Variants in ADAMTS3 observed in about 807,000 individuals in gnomAD.
ADAMTS3 encodes the protein ADAM metallopeptidase with thrombospondin type 1 motif 3.
ADAMTS3 carries 73 observed loss-of-function variants against 129.0 expected under a neutral mutation model. That is an observed-to-expected ratio of 0.57 (90% CI 0.47 to 0.69). ADAMTS3 has a LOEUF of 0.69. ADAMTS3 is among the 30% of genes least tolerant of loss of function. The probability of loss-of-function intolerance (pLI) is 0.00; values close to 1 mark genes in which losing one functional copy is unlikely to be tolerated. For missense variants in ADAMTS3, 1,457 were observed against 1,514.5 expected (o/e 0.96, Z 0.63); for synonymous variants, 477 against 510.8 (o/e 0.93, Z 0.89).
At position 72,519,081 on chromosome 4, in the gene ADAMTS3, T is replaced by A. The variant is rs1404735168; in HGVS notation, c.504+29397A>T. On this transcript the variant is annotated intron_variant, in intron 3 of 21. Transcript: ENST00000286657. ...TTGCTTGTCTGTAAAGGATTTTATT[T>A]CTCCTTCACTTATGAAGCTTAGTTT... 2.0e-5 allele frequency among the ~76,000 whole-genome samples: 3 copies of A among 151,010 alleles called. No homozygotes were observed. The East Asian group carries it at 5.8e-4, about 29-fold the overall frequency.
At chr4:72,374,586 T>C (rs1349598479) in intron 4 of ADAMTS3, among the ~76,000 whole-genome samples, 2 of 152,206 alleles carry the variant, frequency 1.3e-5, no homozygotes, top group African/African-American at 4.8e-5. Flanking sequence ...AAATAGATTT[T>C]TATATTTTTT....
intron 4 of ADAMTS3, among the ~76,000 whole-genome samples, chr4:72,388,458 C>T (rs143892214): frequency 6.8e-4 from 104 of 152,314 alleles, no homozygotes; most frequent in African/African-American, 2.4e-3. Flanking sequence ...AACAAAGGGG[C>T]CACGTCACTA....
At chr4:72,376,121 A>G (rs1721127507) in intron 4 of ADAMTS3, among the ~76,000 whole-genome samples, 1 of 152,212 alleles carries the variant, frequency 6.6e-6, no homozygotes. Flanking sequence ...AGTGCTACAT[A>G]CATTTAAATA....
At chr4:72,473,590 C>A (rs906127662) in intron 3 of ADAMTS3, among the ~76,000 whole-genome samples, 1 of 151,702 alleles carries the variant, frequency 6.6e-6, no homozygotes, top group Non-Finnish European at 1.5e-5. Flanking sequence ...TACATTCACA[C>A]CAGCACAGGC....
chr4:72,501,184 G>A (rs557811809), intron 3 of ADAMTS3, among the ~76,000 whole-genome samples: 1 of 152,136 alleles, frequency 6.6e-6, no homozygotes, highest in East Asian at 1.9e-4. Context: ...CTCGCAATGT[G>A]TCTGTAAATT....
At chr4:72,440,145 T>G (rs1441615155) in intron 3 of ADAMTS3, among the ~76,000 whole-genome samples, 1 of 151,782 alleles carries the variant, frequency 6.6e-6, no homozygotes, top group Non-Finnish European at 1.5e-5. Context: ...TGGTGACAAT[T>G]ATATAATACT....
chr4:72,477,363 A>G (rs1478004993), intron 3 of ADAMTS3, among the ~76,000 whole-genome samples: 2 of 152,210 alleles, frequency 1.3e-5, no homozygotes, highest in Non-Finnish European at 2.9e-5. Context: ...AGTGCAATCA[A>G]ACTAGAACTC....
At chr4:72,455,452 C>G (rs565435519) in intron 3 of ADAMTS3, among the ~76,000 whole-genome samples, 1 of 151,340 alleles carries the variant, frequency 6.6e-6, no homozygotes, top group African/African-American at 2.4e-5. Context: ...GGGAGGGGAA[C>G]ATCACGCACC....
At chr4:72,292,751 A>T (rs1434557) in intron 19 of ADAMTS3, among the ~76,000 whole-genome samples, 150,761 of 152,276 alleles carry the variant, frequency 0.99, 74,651 homozygotes, top group East Asian at 1. Context: ...TCTGCAATTT[A>T]TTTTTCTTTC....
At chr4:72,439,844 AC>A (rs1428316756) in intron 3 of ADAMTS3, among the ~76,000 whole-genome samples, 1 of 151,226 alleles carries the variant, frequency 6.6e-6, no homozygotes, top group Non-Finnish European at 1.5e-5. Flanking sequence ...GTTTGCTGAA[AC>A]TTTAAAATAT....
intron 4 of ADAMTS3, among the ~76,000 whole-genome samples, chr4:72,362,416 A>T (rs1018732636): frequency 1.1e-4 from 17 of 152,166 alleles, no homozygotes; most frequent in Non-Finnish European, 2.2e-4. Flanking sequence ...CAAAGAGACT[A>T]TATTAAGTTT....
At chr4:72,331,266 G>A (rs1719843762) in intron 5 of ADAMTS3, among the ~76,000 whole-genome samples, 1 of 152,088 alleles carries the variant, frequency 6.6e-6, no homozygotes, top group Non-Finnish European at 1.5e-5. Context: ...ATCGACTTGT[G>A]CTTGATGCAA....
intron 4 of ADAMTS3, among the ~76,000 whole-genome samples, chr4:72,374,639 G>A (rs1721093294): frequency 1.3e-5 from 2 of 151,816 alleles, no homozygotes; most frequent in Non-Finnish European, 2.9e-5. Context: ...CTTCCATCCT[G>A]TCCACATTGG....
intron 4 of ADAMTS3, among the ~76,000 whole-genome samples, chr4:72,361,879 A>T (rs1720737244): frequency 6.6e-6 from 1 of 152,140 alleles, no homozygotes; most frequent in South Asian, 2.1e-4. Context: ...GCAAAATTTT[A>T]AAATTTACAA....
intron 3 of ADAMTS3, among the ~76,000 whole-genome samples, chr4:72,423,663 T>G (rs1041507209): frequency 6.6e-6 from 1 of 152,110 alleles, no homozygotes; most frequent in African/African-American, 2.4e-5. Flanking sequence ...ATGCAGATGA[T>G]TTCTAAATAT....
At position 72,548,654 on chromosome 4, in the gene ADAMTS3, A is replaced by T; in HGVS notation, c.328T>A (p.Trp110Arg). 6.2e-7 allele frequency: 1 copy of T among 1,613,952 alleles called. No individual in the cohort carries two copies. The highest frequency in any genetic ancestry group is 8.5e-7 in the Non-Finnish European group (1 of 1,179,924). ...QLVAPGAVVE[W>R]HETSLVPGNI... Reference sequence around the variant, plus strand: ...CCAGGCACCAGAGATGTCTCATGCCACTCCACAACAGCCCCAGGAGCTACT... The same window carrying T: ...CCAGGCACCAGAGATGTCTCATGCCTCTCCACAACAGCCCCAGGAGCTACT... Residue 110 changes from tryptophan to arginine, a missense_variant, in exon 3 of 22, where the codon TGG (tryptophan) becomes AGG (arginine). Physicochemically the swap from Trp to Arg is moderately radical, Grantham distance 101. Transcript: ENST00000286657.
At chr4:72,394,442 G>A (rs934802127) in intron 4 of ADAMTS3, among the ~76,000 whole-genome samples, 1 of 152,186 alleles carries the variant, frequency 6.6e-6, no homozygotes, top group African/African-American at 2.4e-5. Context: ...TCTACACCAT[G>A]TCTGACAAAG....
At position 72,531,553 on chromosome 4, in the gene ADAMTS3, A is replaced by G. The variant is rs189438873; in HGVS notation, c.504+16925T>C. 8.5e-5 allele frequency among the ~76,000 whole-genome samples: 13 copies of G among 152,268 alleles called. 1 individual carries two copies. In the East Asian group the frequency reaches 2.5e-3, roughly 29 times the overall value. On this transcript the variant is annotated intron_variant, in intron 3 of 21. Coordinates refer to ENST00000286657, the MANE Select transcript of ADAMTS3 (RefSeq NM_014243.3). ...GTTGGGTAAAGCACAGAGCTGGTGT[A>G]GGAACAGGGTACGTGGCTGGCTCAT... is the stretch of plus-strand genomic sequence containing the variant.
chr4:72,426,869 G>C (rs1722587790), intron 3 of ADAMTS3, among the ~76,000 whole-genome samples: 1 of 152,034 alleles, frequency 6.6e-6, no homozygotes, highest in Non-Finnish European at 1.5e-5. Flanking sequence ...ACACCAGTCT[G>C]GGCAACAGGG....
Sources: gnomAD v4.1 joint callset for allele counts (sites outside exome capture counted in the v4.1 genomes callset) on GRCh38, gnomAD v4.1.1 for gene constraint, MANE v1.5 for transcripts, NCBI Gene and HGNC (gene_info 2026-07-23, HGNC 2026-07-21) for gene names.